WDFY4: variants seen among roughly 807,000 people sequenced by gnomAD.
The protein encoded by WDFY4 is WD repeat- and FYVE domain-containing protein 4.
WDFY4 carries 169 observed loss-of-function variants against 351.9 expected under a neutral mutation model. The ratio of observed to expected loss-of-function variants is 0.48; its 90% CI spans 0.42 to 0.55. The LOEUF is 0.55. Ranked by LOEUF, WDFY4 falls within the 20% of genes least tolerant of loss-of-function variation. The probability of loss-of-function intolerance (pLI) is 0.00; values close to 1 mark genes in which losing one functional copy is unlikely to be tolerated. For missense variants in WDFY4, 3,803 were observed against 3,935.6 expected (o/e 0.97, Z 0.90); for synonymous variants, 1,622 against 1,574.6 (o/e 1.03, Z -0.71).
chr10:48,864,062 T>C (rs2069446945), intron 39 of WDFY4, among the ~76,000 whole-genome samples: 1 of 152,192 alleles, frequency 6.6e-6, no homozygotes, highest in Non-Finnish European at 1.5e-5. Flanking sequence ...GGATTGCAAT[T>C]CAAGATGAGA....
At chr10:48,704,476 G>A (rs11594765) in intron 1 of WDFY4, among the ~76,000 whole-genome samples, 23,089 of 152,186 alleles carry the variant, frequency 0.15, 2,153 homozygotes, top group Non-Finnish European at 0.21. Flanking sequence ...GAGGCTCTGG[G>A]ACTCCCTGCA....
At chr10:48,747,972 G>C (rs1299708686) in intron 12 of WDFY4, among the ~76,000 whole-genome samples, 3 of 152,182 alleles carry the variant, frequency 2.0e-5, no homozygotes, top group Non-Finnish European at 4.4e-5. Context: ...GGTCTTAGCT[G>C]CCCTTTCCAA....
At chr10:48,800,968 G>A (rs1406214288) in intron 24 of WDFY4, among the ~76,000 whole-genome samples, 1 of 151,966 alleles carries the variant, frequency 6.6e-6, no homozygotes, top group Non-Finnish European at 1.5e-5. Flanking sequence ...CCTGACCTCA[G>A]ATGGTCCACC....
intron 23 of WDFY4, among the ~76,000 whole-genome samples, chr10:48,794,970 G>C (rs2066808355): frequency 6.6e-6 from 1 of 152,264 alleles, no homozygotes; most frequent in Middle Eastern, 3.4e-3. Context: ...AAAGCTACAG[G>C]GATTAGGGAT....
chr10:48,835,451 G>C (rs1057000597), intron 39 of WDFY4, among the ~76,000 whole-genome samples: 6 of 152,178 alleles, frequency 3.9e-5, no homozygotes, highest in Non-Finnish European at 7.4e-5. Context: ...TGTGTGCTGG[G>C]CAGCAAAGGC....
rs573357424 is a variant in WDFY4, at chr10:48,788,796, A to G, written c.3954+121A>G. ...CACTTGTGTAGATGGATACACAAAT[A>G]CATGTTTCCCACTTCATTTGTTAAA... On this transcript the variant is annotated intron_variant, in intron 21 of 61. Transcript: ENST00000325239. 8 of 1,268,966 alleles carry G rather than the reference A, an allele frequency of 6.3e-6. No individual in the cohort carries two copies. The Admixed American group carries it at 1.9e-4, about 31-fold the overall frequency. 78.6% of individuals were successfully genotyped at this position (1,268,966 alleles called of 1,614,324 possible).
intron 34 of WDFY4, among the ~76,000 whole-genome samples, chr10:48,822,048 G>A (rs1589690751): frequency 6.6e-6 from 1 of 152,188 alleles, no homozygotes; most frequent in East Asian, 1.9e-4. Context: ...GCCTAGTGTA[G>A]CAGCAGGGCC....
intron 39 of WDFY4, among the ~76,000 whole-genome samples, chr10:48,834,307 TA>T (rs1264106863): frequency 5.9e-5 from 9 of 152,140 alleles, no homozygotes; most frequent in Admixed American, 6.5e-5. Context: ...TTTCAGTCAT[TA>T]AATGTCAGAG....
chr10:48,738,861 C>A (rs2064759474), intron 11 of WDFY4, among the ~76,000 whole-genome samples: 1 of 152,190 alleles, frequency 6.6e-6, no homozygotes, highest in African/African-American at 2.4e-5. Flanking sequence ...GCATTCACAG[C>A]ATGCCATCAC....
At chr10:48,927,323 C>T (rs1839655322) in intron 47 of WDFY4, among the ~76,000 whole-genome samples, 1 of 152,150 alleles carries the variant, frequency 6.6e-6, no homozygotes, top group African/African-American at 2.4e-5. Flanking sequence ...CCATTTCAGT[C>T]ATCCGCAACA....
At chr10:48,955,090 A>G (rs918008233) in intron 51 of WDFY4, among the ~76,000 whole-genome samples, 1 of 152,234 alleles carries the variant, frequency 6.6e-6, no homozygotes, top group African/African-American at 2.4e-5. Context: ...GTAGGCATCA[A>G]TCTCCCGCAG....
At chr10:48,688,322 T>G (rs566398811) in intron 1 of WDFY4, among the ~76,000 whole-genome samples, 1 of 152,336 alleles carries the variant, frequency 6.6e-6, no homozygotes, top group South Asian at 2.1e-4. Flanking sequence ...TCATATAAAT[T>G]TCAGAATTGG....
intron 40 of WDFY4, among the ~76,000 whole-genome samples, chr10:48,870,904 A>G (rs2069746212): frequency 6.6e-6 from 1 of 151,526 alleles, no homozygotes; most frequent in Non-Finnish European, 1.5e-5. Context: ...GTGCATCCCC[A>G]GGTTGCATAG....
intron 23 of WDFY4, among the ~76,000 whole-genome samples, chr10:48,794,115 G>C (rs1216746914): frequency 1.3e-5 from 2 of 152,156 alleles, no homozygotes; most frequent in Non-Finnish European, 2.9e-5. Flanking sequence ...CCTTACCACT[G>C]TGGGGAACGT....
At chr10:48,726,841 A>G (rs1040539462) in intron 6 of WDFY4, among the ~76,000 whole-genome samples, 4 of 152,188 alleles carry the variant, frequency 2.6e-5, no homozygotes, top group African/African-American at 9.7e-5. Flanking sequence ...TCTCTTGATG[A>G]GAGATTTCTA....
intron 57 of WDFY4, among the ~76,000 whole-genome samples, chr10:48,972,183 T>C (rs1359762550): frequency 6.6e-6 from 1 of 152,206 alleles, no homozygotes; most frequent in African/African-American, 2.4e-5. Flanking sequence ...AAGGCTAATG[T>C]AGGCTTGCAG....
intron 43 of WDFY4, among the ~76,000 whole-genome samples, chr10:48,884,912 C>T (rs149889677): frequency 4.9e-4 from 75 of 152,312 alleles, no homozygotes; most frequent in African/African-American, 1.8e-3. Context: ...TCTTTCTTTC[C>T]TGTTAGGTTG....
intron 24 of WDFY4, 116 bp from the exon 25 acceptor site, chr10:48,803,170 A>G (rs1464941532): frequency 1.0e-6 from 1 of 957,088 alleles, no homozygotes; most frequent in Admixed American, 2.1e-5. Context: ...CTGGTACATC[A>G]TGTTGATGAT....
chr10:48,921,272 T>G (rs1305842120), intron 47 of WDFY4, among the ~76,000 whole-genome samples: 1 of 152,054 alleles, frequency 6.6e-6, no homozygotes, highest in Non-Finnish European at 1.5e-5. Flanking sequence ...GGTAGATAGG[T>G]CAATGGAACA....
Sources: allele counts gnomAD v4.1 joint callset (sites outside exome capture counted in the v4.1 genomes callset), GRCh38; gene constraint gnomAD v4.1.1; transcripts MANE v1.5; gene names NCBI Gene and HGNC (gene_info 2026-07-23, HGNC 2026-07-21).